The following CATSPERG variants were observed in gnomAD, a reference collection of about 807,000 sequenced individuals.
The protein encoded by CATSPERG is catsper channel auxiliary subunit gamma, also known as cation channel sperm-associated auxiliary subunit gamma.
A neutral mutation model predicts 145.0 loss-of-function variants in CATSPERG; 115 were observed. The observed-to-expected ratio is 0.79, with a 90% CI of 0.68 to 0.93. The LOEUF (loss-of-function observed/expected upper bound fraction) is 0.93. CATSPERG is among the 40% of genes least tolerant of loss of function. The pLI, the probability that CATSPERG is intolerant of heterozygous loss-of-function variation, is 0.00. For missense variants in CATSPERG, 1,296 were observed against 1,490.1 expected, an observed-to-expected ratio of 0.87 and a Z score of 2.14; for synonymous variants, 588 against 589.0, an observed-to-expected ratio of 1.00 and a Z score of 0.02.
intron 3 of CATSPERG, among the ~76,000 whole-genome samples, chr19:38,338,075 C>T (rs1042175156): frequency 6.6e-6 from 1 of 152,038 alleles, no homozygotes; most frequent in African/African-American, 2.4e-5. Flanking sequence ...TTCAAGAAGG[C>T]TGTCTGTGTA....
intron 28 of CATSPERG, 26 bp from the exon 29 acceptor site, chr19:38,370,500 C>T (rs1483584756): frequency 6.2e-7 from 1 of 1,613,880 alleles, no homozygotes; most frequent in Admixed American, 1.7e-5. Flanking sequence ...TGTGCCAACT[C>T]CTTACTCATT....
At chr19:38,359,966 G>T in intron 14 of CATSPERG, 4 of 1,045,854 alleles carry the variant, frequency 3.8e-6, no homozygotes, top group Non-Finnish European at 4.6e-6. Context: ...GCTTGTGCAT[G>T]TCAGGGAGGG....
chr19:38,354,972 A>G (rs1315402506), intron 9 of CATSPERG, 125 bp downstream of exon 9: 1 of 1,117,528 alleles, frequency 8.9e-7, no homozygotes, highest in South Asian at 1.5e-5. Context: ...GCTGAGGGTG[A>G]TGGTGGTGGT....
chr19:38,358,054 G>A (rs1267439154), intron 11 of CATSPERG: 1 of 540,554 alleles, frequency 1.8e-6, no homozygotes. Context: ...GGAGGCAGAA[G>A]TTGCAGTGAG....
chr19:38,345,145 G>A (rs1970018867), intron 6 of CATSPERG, among the ~76,000 whole-genome samples: 1 of 151,644 alleles, frequency 6.6e-6, no homozygotes, highest in African/African-American at 2.4e-5. Flanking sequence ...CCAGGCTAGA[G>A]TGCAGTGGTA....
At chr19:38,342,580 A>G (rs1249456596) in intron 3 of CATSPERG, among the ~76,000 whole-genome samples, 1 of 150,810 alleles carries the variant, frequency 6.6e-6, no homozygotes, top group East Asian at 2.0e-4. Context: ...AGCCTGGGCG[A>G]CAGAGTGAGA....
rs564838952 is a variant in CATSPERG at position 38,360,591 on chromosome 19, T to C, written c.1711T>C (p.Tyr571His). The part of the protein sequence containing the change: ...SLKLMQQSSL[Y>H]ASNETMLTLF... The stretch of plus-strand genomic sequence containing the variant: ...AAAGCTGATGCAACAGTCCTCTCTC[T>C]ACGCATCCAATGAGACCATGCTGAC... The change falls in exon 15 of 29, where the codon TAC becomes CAC. Residue 571 changes from tyrosine to histidine, a missense_variant. Physicochemically the swap from Tyr to His is moderately conservative, Grantham distance 83. Transcript: ENST00000409235. 6.2e-7 allele frequency: 1 copy of C among 1,614,218 alleles called. No homozygotes were observed. The highest frequency in any genetic ancestry group is 1.3e-5 in the African/African-American group (1 of 75,060).
At chr19:38,367,996 C>T (rs1970484354) in intron 25 of CATSPERG, 52 bp from the exon 26 acceptor site, 1 of 1,541,730 alleles carries the variant, frequency 6.5e-7, no homozygotes, top group South Asian at 1.1e-5. Context: ...GAGGTCATAC[C>T]TCCCCTACAC....
At position 38,368,155 on chromosome 19, in the gene CATSPERG, C is replaced by A; in HGVS notation, c.3020+18C>A. On this transcript the variant is annotated intron_variant, in intron 26 of 28. Coordinates refer to ENST00000409235, the MANE Select transcript of CATSPERG (RefSeq NM_021185.5). ...GGCATCGAGTGAGTGCGTAGCCTGGCCCCTCTTGGCCCCCATCTGTCGGTA... is the reference window on the plus strand; with the variant it reads ...GGCATCGAGTGAGTGCGTAGCCTGGACCCTCTTGGCCCCCATCTGTCGGTA... The A allele has an allele frequency of 6.2e-7, 1 of 1,607,242 alleles. No homozygotes were observed. Among genetic ancestry groups the A allele is most frequent in the East Asian group, 2.2e-5 (1 of 44,836 alleles).
chr19:38,357,352 T>A (rs1970261364), intron 11 of CATSPERG, among the ~76,000 whole-genome samples: 2 of 115,460 alleles, frequency 1.7e-5, no homozygotes. Flanking sequence ...CTCTACAAAT[T>A]AAAAAAAAAA....
At position 38,370,523 on chromosome 19, in the gene CATSPERG, C is replaced by A. The variant is rs1358079427; in HGVS notation, c.3214-3C>A. 1 of 1,614,210 alleles carries A rather than the reference C, an allele frequency of 6.2e-7. No individual in the cohort carries two copies. The highest frequency in any genetic ancestry group is 1.7e-5 in the Admixed American group (1 of 60,030). ...CTCCTTACTCATTCTTTGCTCCCTGCAGGTGTCAGCTAGCGTGTTTGTGGG... is the reference window on the plus strand; with the variant it reads ...CTCCTTACTCATTCTTTGCTCCCTGAAGGTGTCAGCTAGCGTGTTTGTGGG... On this transcript the variant is annotated splice_region_variant and splice_polypyrimidine_tract_variant and intron_variant, in intron 28 of 28. Coordinates refer to ENST00000409235, the MANE Select transcript of CATSPERG (RefSeq NM_021185.5).
intron 3 of CATSPERG, among the ~76,000 whole-genome samples, chr19:38,341,866 T>C (rs1335914723): frequency 6.6e-6 from 1 of 151,760 alleles, no homozygotes; most frequent in Non-Finnish European, 1.5e-5. Flanking sequence ...GGCGCCCTTA[T>C]ACTCCAGCCT....
chr19:38,336,502 C>G (rs1000753708), intron 1 of CATSPERG: 4 of 268,594 alleles, frequency 1.5e-5, no homozygotes, highest in Non-Finnish European at 3.0e-5. Context: ...AACGGGGGCC[C>G]GGCCGGGAGC....
intron 9 of CATSPERG, among the ~76,000 whole-genome samples, chr19:38,355,086 T>C (rs2145089808): frequency 2.0e-5 from 3 of 152,328 alleles, no homozygotes; most frequent in Admixed American, 2.0e-4. Flanking sequence ...GGCTCATGCC[T>C]GTAATCCCAG....
chr19:38,354,924 CCTCA>C (rs1374363291), intron 9 of CATSPERG, 77 bp downstream of exon 9: 3 of 1,523,112 alleles, frequency 2.0e-6, no homozygotes, highest in East Asian at 4.5e-5. Flanking sequence ...AACCTTGGGC[CCTCA>C]CTCATTACCA....
Position 38,362,541 on chromosome 19 carries a change from C to A in CATSPERG, c.2323C>A (p.Gln775Lys), listed in dbSNP as rs1179925157. 1 of 1,613,890 alleles carries A rather than the reference C, an allele frequency of 6.2e-7. No individual in the cohort carries two copies. Among genetic ancestry groups the A allele is most frequent in the Non-Finnish European group, 8.5e-7 (1 of 1,180,028 alleles). ...CAGCTTCGCCATCTTCCTGTCGGCG[C>A]AGGGCCACTCGTTCCGGACGCAGTC... ...EYSFAIFLSA[Q>K]GHSFRTQSEL... The change falls in exon 19 of 29, where the codon CAG (glutamine) becomes AAG (lysine). Residue 775 changes from glutamine to lysine, a missense_variant. By Grantham distance (53) the Gln-to-Lys change is moderately conservative (BLOSUM62 1). Coordinates refer to ENST00000409235, the MANE Select transcript of CATSPERG (RefSeq NM_021185.5).
chr19:38,367,410 C>A, intron 23 of CATSPERG, 98 bp downstream of exon 23: 1 of 1,558,670 alleles, frequency 6.4e-7, no homozygotes, highest in African/African-American at 1.4e-5. Flanking sequence ...GACTACCCAC[C>A]CTTTTTCCTG....
chr19:38,369,197 A>G (rs1022568709), intron 26 of CATSPERG, among the ~76,000 whole-genome samples: 3 of 152,248 alleles, frequency 2.0e-5, no homozygotes, highest in African/African-American at 7.2e-5. Flanking sequence ...AGCCATGAGC[A>G]AATGAAGGCA....
chr19:38,358,648 G>T (rs1265306915), intron 13 of CATSPERG, 87 bp downstream of exon 13: 2 of 1,530,870 alleles, frequency 1.3e-6, no homozygotes, highest in Non-Finnish European at 9.0e-7. Context: ...CCCAGGCTAG[G>T]CAAGTCTCAC....
Sources: allele counts gnomAD v4.1 joint callset (sites outside exome capture counted in the v4.1 genomes callset), GRCh38; gene constraint gnomAD v4.1.1; transcripts MANE v1.5; gene names NCBI Gene and HGNC (gene_info 2026-07-23, HGNC 2026-07-21).